Variants in RHOBTB2 observed in about 807,000 individuals in gnomAD.
RHOBTB2 encodes the protein rho-related BTB domain-containing protein 2.
A neutral mutation model predicts 66.5 loss-of-function variants in RHOBTB2; 39 were observed. That is an observed-to-expected ratio of 0.59 (90% CI 0.45 to 0.77). RHOBTB2 has a LOEUF of 0.77. Among genes scored for constraint, RHOBTB2 ranks in the 30% least tolerant of loss-of-function variants. The pLI is 0.00. For missense variants in RHOBTB2, 755 were observed against 999.1 expected (o/e 0.76, Z 3.29); for synonymous variants, 390 against 395.0 (o/e 0.99, Z 0.15).
the RHOBTB2 span, among the ~76,000 whole-genome samples, chr8:22,966,646 G>C: frequency 2.0e-5 from 3 of 151,974 alleles, no homozygotes; most frequent in Non-Finnish European, 4.4e-5. Flanking sequence ...GGGGTGGTGG[G>C]GGGAACATCA....
the RHOBTB2 span, among the ~76,000 whole-genome samples, chr8:22,957,362 G>A: frequency 7.9e-4 from 120 of 152,278 alleles, 2 homozygotes; most frequent in South Asian, 0.025. Flanking sequence ...CTGAGATTAT[G>A]CAAATATCCT....
the RHOBTB2 span, among the ~76,000 whole-genome samples, chr8:22,980,695 A>T: frequency 2.0e-5 from 3 of 152,186 alleles, no homozygotes; most frequent in Non-Finnish European, 4.4e-5. Context: ...TTCAAAGTGA[A>T]ATTCTGAACT....
At chr8:23,001,005 G>C (rs1258888784) in intron 1 of RHOBTB2, among the ~76,000 whole-genome samples, 1 of 151,920 alleles carries the variant, frequency 6.6e-6, no homozygotes, top group Non-Finnish European at 1.5e-5. Context: ...GTAGGGGTGT[G>C]GGGGTGGGAC....
At chr8:23,008,133 G>T (rs567037082) in intron 6 of RHOBTB2, 22 bp downstream of exon 6, 2 of 1,518,402 alleles carry the variant, frequency 1.3e-6, no homozygotes, top group Non-Finnish European at 1.8e-6. Flanking sequence ...GACACAAAGG[G>T]GGGAAGGAGG....
rs1811242138 is a variant in RHOBTB2 at position 23,014,726 on chromosome 8, AGAT to A, written c.1813_1815del (p.Met605del). 6.2e-7 allele frequency: 1 copy of A among 1,614,070 alleles called. No homozygotes were observed. The highest frequency in any genetic ancestry group is 1.3e-5 in the African/African-American group (1 of 74,920). ...GTGACCGGGCTGATGGAAGCGACCC[AGAT>A]GATGGTGGACATCGATGGGGACGTC... On this transcript the variant is annotated inframe_deletion, in exon 8 of 10. Transcript: ENST00000251822.
In RHOBTB2 at chr8:23,017,115, T is replaced by C. The variant is rs1340008148; in HGVS notation, c.1967-137T>C. ...ACTTTGCTTGCCTCGGAGGCTCATG[T>C]GCCGTGGGTCATGGGGATGTGCTGG... On this transcript the variant is annotated intron_variant, in intron 9 of 9. Coordinates refer to ENST00000251822, the MANE Select transcript of RHOBTB2 (RefSeq NM_015178.3). The surrounding 1 kb of genome is among the most constrained non-coding windows in gnomAD (Gnocchi z 5.3). 2.7e-6 allele frequency: 3 copies of C among 1,115,614 alleles called. No individual in the cohort carries two copies. The highest frequency in any genetic ancestry group is 3.9e-6 in the Non-Finnish European group (3 of 769,010). 69.1% of individuals were successfully genotyped at this position (1,115,614 alleles called of 1,614,324 possible). A position where few individuals can be genotyped will look rare whatever the true frequency, so the allele number is the denominator to read the frequency against.
chr8:22,976,577 T>C, the RHOBTB2 span, among the ~76,000 whole-genome samples: 6 of 152,336 alleles, frequency 3.9e-5, no homozygotes, highest in Non-Finnish European at 8.8e-5. Flanking sequence ...CCGCCATTTT[T>C]AGTTGGGGTA....
chr8:22,981,370 G>A, the RHOBTB2 span, among the ~76,000 whole-genome samples: 1 of 152,224 alleles, frequency 6.6e-6, no homozygotes, highest in East Asian at 1.9e-4. Context: ...GCTTGGATGA[G>A]TCTGGGGGAG....
At chr8:22,961,655 A>C in the RHOBTB2 span, among the ~76,000 whole-genome samples, 1 of 152,218 alleles carries the variant, frequency 6.6e-6, no homozygotes, top group Non-Finnish European at 1.5e-5. Flanking sequence ...GGGGAGGGGA[A>C]AAATGAACAC....
the RHOBTB2 span, among the ~76,000 whole-genome samples, chr8:22,963,982 T>A: frequency 6.6e-6 from 1 of 152,118 alleles, no homozygotes; most frequent in Non-Finnish European, 1.5e-5. Context: ...GGTTTCTCCA[T>A]GTTGGTCAGG....
chr8:22,968,167 A>G, the RHOBTB2 span, among the ~76,000 whole-genome samples: 1 of 152,260 alleles, frequency 6.6e-6, no homozygotes, highest in Non-Finnish European at 1.5e-5. Context: ...AAAAAAAAAA[A>G]ATTGTTAAAA....
At chr8:22,995,974 G>A (rs551503110), upstream of RHOBTB2, 390 of 1,252,054 alleles carry the variant, frequency 3.1e-4, 4 homozygotes, top group Admixed American at 5.3e-3. Context: ...GGCGGTCTGC[G>A]TTGGGCTGGC....
At chr8:22,951,546 A>G in the RHOBTB2 span, among the ~76,000 whole-genome samples, 1 of 152,014 alleles carries the variant, frequency 6.6e-6, no homozygotes, top group Non-Finnish European at 1.5e-5. Flanking sequence ...TGGAGTTAGG[A>G]GCAATGTTTT....
chr8:22,965,572 A>G, the RHOBTB2 span, among the ~76,000 whole-genome samples: 1 of 152,364 alleles, frequency 6.6e-6, no homozygotes, highest in East Asian at 1.9e-4. Context: ...TGTCACTGAC[A>G]TAAAGACAGA....
rs1445328093 is a variant in RHOBTB2, at chr8:23,000,096, A to C, written c.-20A>C. ...CTCACGCTAGAAGCCACCCCGTCAC[A>C]TGTAGTGGTGTAAGTAGATGGCTGC... On this transcript the variant is annotated 5_prime_UTR_variant, in exon 1 of 10. An upstream start codon of the reference 5' UTR is lost. Transcript: ENST00000251822. The C allele has an allele frequency of 3.0e-6, 3 of 985,356 alleles. No individual in the cohort carries two copies. Among genetic ancestry groups the C allele is most frequent in the Non-Finnish European group, 1.2e-6 (1 of 829,964 alleles). 61.0% of individuals were successfully genotyped at this position (985,356 alleles called of 1,614,324 possible).
At chr8:22,970,924 T>C in the RHOBTB2 span, among the ~76,000 whole-genome samples, 1 of 152,192 alleles carries the variant, frequency 6.6e-6, no homozygotes, top group South Asian at 2.1e-4. Context: ...TCTAGTGCCT[T>C]CTCCCATTCT....
chr8:22,953,022 T>C, the RHOBTB2 span, among the ~76,000 whole-genome samples: 1 of 152,298 alleles, frequency 6.6e-6, no homozygotes, highest in African/African-American at 2.4e-5. Context: ...GTCTTATACA[T>C]TGGCATGCTT....
intron 1 of RHOBTB2, among the ~76,000 whole-genome samples, chr8:22,989,165 T>TG (rs147955613): frequency 0.013 from 2,041 of 152,306 alleles, 38 homozygotes; most frequent in African/African-American, 0.046. Flanking sequence ...TTCTTTTTTT[T>TG]GAGACTGAGT....
chr8:22,960,635 T>A, the RHOBTB2 span, among the ~76,000 whole-genome samples: 2 of 152,112 alleles, frequency 1.3e-5, no homozygotes, highest in Non-Finnish European at 2.9e-5. Flanking sequence ...TCCTTTTTCA[T>A]TGGAGGGTAC....
Sources: gnomAD v4.1 joint callset for allele counts (sites outside exome capture counted in the v4.1 genomes callset) on GRCh38, gnomAD v4.1.1 for gene constraint, Gnocchi (gnomAD v3.1) non-coding constraint, MANE v1.5 for transcripts, NCBI Gene and HGNC (gene_info 2026-07-23, HGNC 2026-07-21) for gene names.